The following B3GLCT variants were observed in gnomAD, a reference collection of about 807,000 sequenced individuals.
B3GLCT encodes beta 3-glucosyltransferase, also known as beta-1,3-glucosyltransferase.
A neutral mutation model predicts 63.4 loss-of-function variants in B3GLCT; 65 were observed. That is an observed-to-expected ratio of 1.03 (90% CI 0.84 to 1.26). The LOEUF is 1.26. Among genes scored for constraint, B3GLCT ranks in the 50% most tolerant of loss-of-function variants. The pLI, the probability that B3GLCT is intolerant of heterozygous loss-of-function variation, is 0.00. For synonymous variants in B3GLCT, 233 were observed against 219.2 expected, an observed-to-expected ratio of 1.06 and a Z score of -0.55; for missense variants, 577 against 604.8, an observed-to-expected ratio of 0.95 and a Z score of 0.48.
chr13:31,254,530 T>C (rs1593276222), intron 6 of B3GLCT, among the ~76,000 whole-genome samples: 1 of 152,152 alleles, frequency 6.6e-6, no homozygotes, highest in East Asian at 1.9e-4. Context: ...TAAGAACTAT[T>C]TATGACAAAC....
chr13:31,246,603 A>G (rs1304643235), intron 4 of B3GLCT, among the ~76,000 whole-genome samples: 1 of 152,182 alleles, frequency 6.6e-6, no homozygotes, highest in Non-Finnish European at 1.5e-5. Context: ...AAGGGTTTTC[A>G]TTTTCACATG....
intron 12 of B3GLCT, among the ~76,000 whole-genome samples, chr13:31,309,471 A>G (rs1019229467): frequency 1.3e-5 from 2 of 152,244 alleles, no homozygotes; most frequent in African/African-American, 4.8e-5. Flanking sequence ...GACACCAGTC[A>G]TAAGTCCAGA....
intron 12 of B3GLCT, among the ~76,000 whole-genome samples, chr13:31,306,651 C>T (rs1874414820): frequency 3.6e-5 from 1 of 28,156 alleles, no homozygotes; most frequent in Non-Finnish European, 9.7e-5. Flanking sequence ...TCAAGGAGAA[C>T]TACAAACCAC....
intron 9 of B3GLCT, among the ~76,000 whole-genome samples, chr13:31,275,052 A>G (rs1350761986): frequency 1.3e-5 from 2 of 152,222 alleles, no homozygotes; most frequent in African/African-American, 4.8e-5. Context: ...TTATGGCTGC[A>G]TAGTATTCCT....
At chr13:31,226,917 T>A (rs1051499292) in intron 3 of B3GLCT, among the ~76,000 whole-genome samples, 7 of 152,238 alleles carry the variant, frequency 4.6e-5, no homozygotes, top group African/African-American at 1.7e-4. Flanking sequence ...GCTGAAACCT[T>A]TTAACCATTA....
At chr13:31,205,493 A>T (rs1868903728) in intron 1 of B3GLCT, among the ~76,000 whole-genome samples, 2 of 152,038 alleles carry the variant, frequency 1.3e-5, no homozygotes, top group Non-Finnish European at 2.9e-5. Flanking sequence ...CAGGAGGCCG[A>T]GGTTGTAGTG....
At chr13:31,256,181 A>C (rs907277124) in intron 6 of B3GLCT, among the ~76,000 whole-genome samples, 2 of 152,270 alleles carry the variant, frequency 1.3e-5, no homozygotes, top group Admixed American at 1.3e-4. Flanking sequence ...TATGAAAAAA[A>C]AGTTCATCAT....
chr13:31,287,974 T>G (rs1873431701), intron 12 of B3GLCT, among the ~76,000 whole-genome samples: 2 of 152,168 alleles, frequency 1.3e-5, no homozygotes, highest in Admixed American at 6.6e-5. Context: ...AAAAATAATT[T>G]TAGAAAATTA....
At chr13:31,242,682 C>A (rs1045795150) in intron 4 of B3GLCT, among the ~76,000 whole-genome samples, 2 of 152,110 alleles carry the variant, frequency 1.3e-5, no homozygotes, top group Non-Finnish European at 2.9e-5. Context: ...GCTTTACAGC[C>A]TTTTGTGAGT....
intron 13 of B3GLCT, among the ~76,000 whole-genome samples, chr13:31,320,044 A>G (rs1875258878): frequency 6.6e-6 from 1 of 152,098 alleles, no homozygotes; most frequent in Non-Finnish European, 1.5e-5. Flanking sequence ...GGTCACTGTC[A>G]TATCCTATAT....
Position 31,229,295 on chromosome 13 carries a change from G to T in B3GLCT, c.270+1G>T, listed in dbSNP as rs1464455093. ...AAAGCAGGCTGCAGATCTTACACAG[G>T]TACGTAGCGATGGCTGGGGGGTCTG... On this transcript the variant is annotated splice_donor_variant, in intron 4 of 14. Transcript: ENST00000343307. LOFTEE classifies it high-confidence loss of function. The T allele has an allele frequency of 6.4e-7, 1 of 1,569,682 alleles. No individual in the cohort carries two copies. The highest frequency in any genetic ancestry group is 1.1e-5 in the South Asian group (1 of 90,198).
intron 6 of B3GLCT, among the ~76,000 whole-genome samples, chr13:31,258,367 T>G (rs939509201): frequency 1.3e-5 from 2 of 152,186 alleles, no homozygotes; most frequent in African/African-American, 2.4e-5. Flanking sequence ...TTTCTTCAAC[T>G]TCATGTTGGC....
chr13:31,312,050 GAA>G (rs2137924614), intron 12 of B3GLCT, among the ~76,000 whole-genome samples: 1 of 152,306 alleles, frequency 6.6e-6, no homozygotes, highest in African/African-American at 2.4e-5. Context: ...ATCTTGCAAG[GAA>G]AAGACTTTGA....
rs985793664 is a variant in B3GLCT, at chr13:31,275,120, G to A, written c.780+492G>A. ...TCCACCATTAATGGGCACCTACATT[G>A]ATTCCATGTCTTTGCTATTGTGAAT... On this transcript the variant is annotated intron_variant, in intron 9 of 14. Transcript: ENST00000343307. 2.0e-4 allele frequency among the ~76,000 whole-genome samples: 30 copies of A among 152,280 alleles called. 1 individual carries two copies. The highest frequency in any genetic ancestry group is 6.5e-4 in the African/African-American group (27 of 41,558).
At chr13:31,308,362 A>AAAAAAAAAAAAAAAAAAAAAAAAAAAAC (rs61561180) in intron 12 of B3GLCT, among the ~76,000 whole-genome samples, 6 of 61,878 alleles carry the variant, frequency 9.7e-5, no homozygotes, top group Non-Finnish European at 1.4e-4. Context: ...AAAAAAAAAC[A>AAAAAAAAAAAAAAAAAAAAAAAAAAAAC]AAAAAAAAAG....
At chr13:31,292,140 C>T (rs1033688747) in intron 12 of B3GLCT, among the ~76,000 whole-genome samples, 1 of 152,042 alleles carries the variant, frequency 6.6e-6, no homozygotes, top group Non-Finnish European at 1.5e-5. Context: ...GTGTTGAACC[C>T]GTCCTGCATC....
At chr13:31,248,645 G>A (rs189455126) in intron 6 of B3GLCT, among the ~76,000 whole-genome samples, 180 of 152,312 alleles carry the variant, frequency 1.2e-3, no homozygotes, top group African/African-American at 4.3e-3. Flanking sequence ...GAGAAAGAAT[G>A]GGGGTGGGAA....
intron 14 of B3GLCT, among the ~76,000 whole-genome samples, chr13:31,327,191 G>T (rs1875671245): frequency 1.3e-5 from 2 of 152,156 alleles, no homozygotes; most frequent in African/African-American, 4.8e-5. Context: ...CAGAGTAAGA[G>T]ATTAACAACA....
chr13:31,276,977 G>T (rs376790604), intron 10 of B3GLCT, among the ~76,000 whole-genome samples: 2 of 152,090 alleles, frequency 1.3e-5, no homozygotes, highest in African/African-American at 4.8e-5. Flanking sequence ...GTATTGAAAC[G>T]TGAGTGGTCA....
Sources: gnomAD v4.1 joint callset for allele counts (sites outside exome capture counted in the v4.1 genomes callset) on GRCh38, gnomAD v4.1.1 for gene constraint, MANE v1.5 for transcripts, NCBI Gene and HGNC (gene_info 2026-07-23, HGNC 2026-07-21) for gene names.